Variants in MYRIP observed in about 807,000 individuals in gnomAD.
MYRIP encodes the protein myosin VIIA and Rab interacting protein.
Under a neutral mutation model 98.0 loss-of-function variants are expected in MYRIP, and 49 were observed. The ratio of observed to expected loss-of-function variants is 0.50; its 90% CI spans 0.40 to 0.63. The LOEUF is 0.63. MYRIP is among the 30% of genes least tolerant of loss of function. The pLI, the probability that MYRIP is intolerant of heterozygous loss-of-function variation, is 0.00. For missense variants in MYRIP, 1,004 were observed against 1,058.2 expected (o/e 0.95, Z 0.71); for synonymous variants, 404 against 409.5 (o/e 0.99, Z 0.16).
At chr3:40,160,384 C>T (rs1258473870) in intron 4 of MYRIP, among the ~76,000 whole-genome samples, 2 of 152,202 alleles carry the variant, frequency 1.3e-5, no homozygotes, top group South Asian at 2.1e-4. Context: ...GGGAGAACCA[C>T]TGCTGTCTTC....
intron 3 of MYRIP, among the ~76,000 whole-genome samples, chr3:40,132,367 C>T (rs2125919249): frequency 6.6e-6 from 1 of 152,314 alleles, no homozygotes; most frequent in East Asian, 1.9e-4. Context: ...AACTGCAAAC[C>T]CAGCAGATAA....
chr3:39,872,951 C>A (rs962516922), intron 1 of MYRIP, among the ~76,000 whole-genome samples: 1 of 152,166 alleles, frequency 6.6e-6, no homozygotes, highest in Non-Finnish European at 1.5e-5. Context: ...TACAGTCCCC[C>A]CAACAGTGTA....
intron 12 of MYRIP, chr3:40,242,220 A>C (rs1343698534): frequency 6.6e-6 from 1 of 152,262 alleles, no homozygotes; most frequent in Non-Finnish European, 1.5e-5. Flanking sequence ...TAAGTCACAT[A>C]AAACCCTTGG....
At position 39,861,777 on chromosome 3, in the gene MYRIP, C is replaced by T. The variant is rs551354538; in HGVS notation, c.-30-39010C>T. 1.5e-4 allele frequency among the ~76,000 whole-genome samples: 23 copies of T among 151,986 alleles called. No individual in the cohort carries two copies. The Middle Eastern group carries it at 0.01, about 67-fold the overall frequency. ...CAAGGACTAGCTCTCTGAAATAATTCAGAGAAAAGTAAAGGAAAAAACAAT... is the reference window on the plus strand; with the variant it reads ...CAAGGACTAGCTCTCTGAAATAATTTAGAGAAAAGTAAAGGAAAAAACAAT... On this transcript the variant is annotated intron_variant, in intron 1 of 16. Transcript: ENST00000302541.
rs1181618839 is a variant in MYRIP at position 40,192,330 on chromosome 3, T to TATATATATATGTC, written c.1665+1878_1665+1890dup. Among the ~76,000 whole-genome samples, 76 of 100,010 alleles carry TATATATATATGTC rather than the reference T, an allele frequency of 7.6e-4. 3 individuals are homozygous for TATATATATATGTC. Among genetic ancestry groups the TATATATATATGTC allele is most frequent in the African/African-American group, 1.3e-3 (30 of 22,580 alleles). The allele number at this position is 100,010 out of a possible 152,430, so 65.6% of individuals were successfully genotyped here. On this transcript the variant is annotated intron_variant, in intron 10 of 16. Coordinates refer to ENST00000302541, the MANE Select transcript of MYRIP (RefSeq NM_015460.4). ...TCTTCATATATATATATATATGTCA[T>TATATATATATGTC]ATATATATATGTCATATATATATTT...
chr3:39,897,345 C>A (rs1221589707), intron 1 of MYRIP, among the ~76,000 whole-genome samples: 1 of 152,210 alleles, frequency 6.6e-6, no homozygotes, highest in Non-Finnish European at 1.5e-5. Flanking sequence ...ATTTATTTCA[C>A]CTTAGAGTCC....
At chr3:40,060,824 A>G (rs1057386289) in intron 3 of MYRIP, among the ~76,000 whole-genome samples, 1 of 151,972 alleles carries the variant, frequency 6.6e-6, no homozygotes, top group African/African-American at 2.4e-5. Flanking sequence ...AACTCCTGAT[A>G]TCAGGCGATC....
intron 2 of MYRIP, among the ~76,000 whole-genome samples, chr3:40,002,750 TATG>T (rs911619010): frequency 2.5e-4 from 38 of 152,140 alleles, no homozygotes; most frequent in African/African-American, 8.2e-4. Context: ...TTAAAATAAA[TATG>T]ATACACATAT....
chr3:39,904,925 T>C (rs1179696814), intron 2 of MYRIP, among the ~76,000 whole-genome samples: 1 of 152,174 alleles, frequency 6.6e-6, no homozygotes, highest in East Asian at 1.9e-4. Context: ...AGAGAATTGA[T>C]AGGCCTGAGA....
In MYRIP at chr3:39,973,022, T is replaced by G. The variant is rs566876032; in HGVS notation, c.111-71028T>G. 1.1e-3 allele frequency among the ~76,000 whole-genome samples: 162 copies of G among 152,208 alleles called. 1 individual carries two copies. Among genetic ancestry groups the G allele is most frequent in the African/African-American group, 3.7e-3 (152 of 41,562 alleles). ...GAGAATGTATATATGTGTGTTCATATTGATTTTTAAAAGATCTGGAGGGAA... is the reference window on the plus strand; with the variant it reads ...GAGAATGTATATATGTGTGTTCATAGTGATTTTTAAAAGATCTGGAGGGAA... On this transcript the variant is annotated intron_variant, in intron 2 of 16. Coordinates refer to ENST00000302541, the MANE Select transcript of MYRIP (RefSeq NM_015460.4).
chr3:39,912,837 C>T (rs1342438174), intron 2 of MYRIP, among the ~76,000 whole-genome samples: 1 of 152,120 alleles, frequency 6.6e-6, no homozygotes, highest in African/African-American at 2.4e-5. Flanking sequence ...GTCAAGAGTT[C>T]GAGACCAGCC....
At chr3:40,093,436 G>A (rs1277237176) in intron 3 of MYRIP, among the ~76,000 whole-genome samples, 4 of 152,198 alleles carry the variant, frequency 2.6e-5, no homozygotes, top group African/African-American at 9.7e-5. Flanking sequence ...GGGCTCAGAT[G>A]TTCCTCATAG....
intron 2 of MYRIP, among the ~76,000 whole-genome samples, chr3:39,966,763 G>A (rs1032168115): frequency 3.9e-5 from 6 of 152,160 alleles, no homozygotes; most frequent in Non-Finnish European, 8.8e-5. Flanking sequence ...GAACCAAGGG[G>A]GAAGAAATAC....
At chr3:39,905,078 G>A (rs1237010712) in intron 2 of MYRIP, among the ~76,000 whole-genome samples, 1 of 152,142 alleles carries the variant, frequency 6.6e-6, no homozygotes, top group Non-Finnish European at 1.5e-5. Context: ...GCATGGTGAC[G>A]CCTGCTCCTA....
chr3:40,229,603 G>C (rs569876372), intron 11 of MYRIP, among the ~76,000 whole-genome samples: 1 of 152,356 alleles, frequency 6.6e-6, no homozygotes, highest in South Asian at 2.1e-4. Flanking sequence ...CTCAGGCTGA[G>C]AGGAGTCAGA....
At chr3:40,045,732 T>C (rs906938410) in intron 3 of MYRIP, among the ~76,000 whole-genome samples, 26 of 152,174 alleles carry the variant, frequency 1.7e-4, no homozygotes, top group African/African-American at 6.0e-4. Flanking sequence ...AAATTATGAA[T>C]CTGTTTTCTT....
intron 1 of MYRIP, among the ~76,000 whole-genome samples, chr3:39,833,564 T>C (rs1221193595): frequency 9.2e-5 from 14 of 152,136 alleles, no homozygotes; most frequent in Non-Finnish European, 8.8e-5. Flanking sequence ...TGAGAATCAG[T>C]GCTGTGTTCC....
At chr3:40,056,753 A>G (rs1226978320) in intron 3 of MYRIP, among the ~76,000 whole-genome samples, 2 of 142,648 alleles carry the variant, frequency 1.4e-5, no homozygotes, top group African/African-American at 5.3e-5. Context: ...TTAGTTTAAT[A>G]GATGGAATTG....
At chr3:40,098,086 G>T (rs572164091) in intron 3 of MYRIP, among the ~76,000 whole-genome samples, 2 of 152,102 alleles carry the variant, frequency 1.3e-5, no homozygotes, top group Non-Finnish European at 2.9e-5. Context: ...TTAGCGGGTT[G>T]GATGACCTGT....
Sources: gnomAD v4.1 joint callset for allele counts (sites outside exome capture counted in the v4.1 genomes callset) on GRCh38, gnomAD v4.1.1 for gene constraint, MANE v1.5 for transcripts, NCBI Gene and HGNC (gene_info 2026-07-23, HGNC 2026-07-21) for gene names.